TNNI3K: variants seen among roughly 807,000 people sequenced by gnomAD.
TNNI3K encodes the protein TNNI3 interacting kinase, also known as serine/threonine-protein kinase TNNI3K.
TNNI3K carries 140 observed loss-of-function variants against 114.5 expected under a neutral mutation model. That is an observed-to-expected ratio of 1.22 (90% CI 1.07 to 1.41). TNNI3K has a LOEUF of 1.41. TNNI3K is among the 40% of genes most tolerant of loss of function. TNNI3K has a pLI of 0.00. For missense variants in TNNI3K, 1,125 were observed against 1,007.6 expected, an observed-to-expected ratio of 1.12 and a Z score of -1.58; for synonymous variants, 347 against 347.5, an observed-to-expected ratio of 1.00 and a Z score of 0.02.
chr1:74,542,786 A>G (rs1646741307), intron 24 of TNNI3K, among the ~76,000 whole-genome samples: 1 of 152,200 alleles, frequency 6.6e-6, no homozygotes, highest in Admixed American at 6.5e-5. Context: ...ACTTTCATGA[A>G]GCAATGAATG....
intron 21 of TNNI3K, among the ~76,000 whole-genome samples, chr1:74,468,819 T>G (rs1667784654): frequency 6.6e-6 from 1 of 152,112 alleles, no homozygotes; most frequent in South Asian, 2.1e-4. Context: ...AATATTATAA[T>G]ATTCTAAATT....
intron 17 of TNNI3K, among the ~76,000 whole-genome samples, chr1:74,428,899 C>T (rs1025382090): frequency 6.6e-6 from 1 of 152,118 alleles, no homozygotes; most frequent in Non-Finnish European, 1.5e-5. Context: ...CACACCACTG[C>T]ACTCCAGCAC....
intron 23 of TNNI3K, among the ~76,000 whole-genome samples, chr1:74,535,004 G>A (rs150910373): frequency 8.6e-5 from 13 of 151,120 alleles, no homozygotes; most frequent in African/African-American, 2.7e-4. Flanking sequence ...CAGTGGTAAC[G>A]TATAGCCAGA....
At chr1:74,296,910 T>G (rs565376224) in intron 5 of TNNI3K, among the ~76,000 whole-genome samples, 2 of 152,296 alleles carry the variant, frequency 1.3e-5, no homozygotes, top group South Asian at 4.1e-4. Context: ...GATTTTCTTT[T>G]TATTTGGAAT....
chr1:74,302,290 C>T (rs1435031137), intron 5 of TNNI3K, among the ~76,000 whole-genome samples: 1 of 152,220 alleles, frequency 6.6e-6, no homozygotes, highest in Admixed American at 6.5e-5. Context: ...TTTCCCATCT[C>T]TCTTTCTCTC....
intron 4 of TNNI3K, among the ~76,000 whole-genome samples, chr1:74,264,246 A>C (rs897645552): frequency 1.3e-5 from 2 of 151,968 alleles, no homozygotes; most frequent in Non-Finnish European, 2.9e-5. Flanking sequence ...TTTTGTGAAA[A>C]TAAATCCAGA....
At chr1:74,453,827 T>G (rs1667122554) in intron 20 of TNNI3K, among the ~76,000 whole-genome samples, 2 of 152,188 alleles carry the variant, frequency 1.3e-5, no homozygotes, top group South Asian at 2.1e-4. Flanking sequence ...TGACTCACGC[T>G]CCAGCCAAAC....
chr1:74,504,463 A>G (rs1425490255), intron 23 of TNNI3K, among the ~76,000 whole-genome samples: 1 of 152,174 alleles, frequency 6.6e-6, no homozygotes, highest in Admixed American at 6.5e-5. Flanking sequence ...AAAAATGTCA[A>G]TCTTTTCCTT....
chr1:74,541,193 G>T (rs1184375216), intron 24 of TNNI3K, among the ~76,000 whole-genome samples: 4 of 152,170 alleles, frequency 2.6e-5, no homozygotes, highest in Non-Finnish European at 5.9e-5. Flanking sequence ...AGCCTGGGTA[G>T]GGGGCAATAG....
At position 74,354,247 on chromosome 1, in the gene TNNI3K, A is replaced by C. The variant is rs1661541988; in HGVS notation, c.1177+118A>C. On this transcript the variant is annotated intron_variant, in intron 11 of 24. Coordinates refer to ENST00000326637, the MANE Select transcript of TNNI3K (RefSeq NM_015978.3). ...TTGAACACTCTCATTTCTTCTGTAGATTTTACTTGAGTTTCTGGGGCCTTG... is the reference window on the plus strand; with the variant it reads ...TTGAACACTCTCATTTCTTCTGTAGCTTTTACTTGAGTTTCTGGGGCCTTG... The C allele has an allele frequency of 2.7e-6, 4 of 1,496,508 alleles. No individual in the cohort carries two copies. In the South Asian group the frequency reaches 5.4e-5, roughly 20 times the overall value. The allele number at this position is 1,496,508 out of a possible 1,614,324, so 92.7% of individuals were successfully genotyped here.
chr1:74,317,242 T>A (rs985743885), intron 5 of TNNI3K, among the ~76,000 whole-genome samples: 1 of 152,206 alleles, frequency 6.6e-6, no homozygotes, highest in Non-Finnish European at 1.5e-5. Flanking sequence ...CACTGAGGAA[T>A]TGATCACTTG....
intron 5 of TNNI3K, among the ~76,000 whole-genome samples, chr1:74,285,629 A>C (rs945456365): frequency 6.6e-6 from 1 of 152,198 alleles, no homozygotes; most frequent in Non-Finnish European, 1.5e-5. Flanking sequence ...CAGGAACTGC[A>C]CACTAGAAAT....
rs60987506 is a variant in TNNI3K, at chr1:74,451,439, A to G, written c.2011+11817A>G. On this transcript the variant is annotated intron_variant, in intron 20 of 24. Transcript: ENST00000326637. The stretch of plus-strand genomic sequence containing the variant: ...AATCAATGTCCAATTTTTTGCTACT[A>G]TTAATATATAGAAATATAATAAATT... Among the ~76,000 whole-genome samples the G allele has an allele frequency of 1.3e-3, 202 of 152,186 alleles. 1 individual carries two copies. Among genetic ancestry groups the G allele is most frequent in the African/African-American group, 4.7e-3 (196 of 41,546 alleles).
At chr1:74,294,191 T>C (rs1002242655) in intron 5 of TNNI3K, among the ~76,000 whole-genome samples, 1 of 151,928 alleles carries the variant, frequency 6.6e-6, no homozygotes, top group African/African-American at 2.4e-5. Context: ...TGCAACTGTA[T>C]TTGAAAGACA....
chr1:74,483,883 T>G (rs373920561), intron 21 of TNNI3K, among the ~76,000 whole-genome samples: 1 of 152,280 alleles, frequency 6.6e-6, no homozygotes, highest in African/African-American at 2.4e-5. Flanking sequence ...CCTTATAGAT[T>G]TAAATGCCAC....
chr1:74,241,673 T>C (rs1467699117), intron 2 of TNNI3K, among the ~76,000 whole-genome samples: 2 of 152,164 alleles, frequency 1.3e-5, no homozygotes, highest in East Asian at 1.9e-4. Flanking sequence ...ATTCTAGATA[T>C]TAGCCCTTTG....
chr1:74,296,610 A>G (rs1658002358), intron 5 of TNNI3K, among the ~76,000 whole-genome samples: 1 of 151,972 alleles, frequency 6.6e-6, no homozygotes, highest in South Asian at 2.1e-4. Flanking sequence ...TTTAATGCAC[A>G]TATACTGGGG....
chr1:74,511,448 T>G (rs1202843622), intron 23 of TNNI3K, among the ~76,000 whole-genome samples: 1 of 152,184 alleles, frequency 6.6e-6, no homozygotes, highest in East Asian at 1.9e-4. Flanking sequence ...TTCACTCTTA[T>G]TTTCTTTATT....
chr1:74,330,181 G>A (rs1660122392), intron 5 of TNNI3K, among the ~76,000 whole-genome samples: 1 of 152,086 alleles, frequency 6.6e-6, no homozygotes, highest in East Asian at 1.9e-4. Flanking sequence ...CCCAAAATAG[G>A]CTACTTTGGC....
Sources: gnomAD v4.1 joint callset for allele counts (sites outside exome capture counted in the v4.1 genomes callset) on GRCh38, gnomAD v4.1.1 for gene constraint, MANE v1.5 for transcripts, NCBI Gene and HGNC (gene_info 2026-07-23, HGNC 2026-07-21) for gene names.